ABCC1: variants seen among roughly 807,000 people sequenced by gnomAD.
ABCC1 encodes multidrug resistance-associated protein 1.
Under a neutral mutation model 172.9 loss-of-function variants are expected in ABCC1, and 83 were observed. That is an observed-to-expected ratio of 0.48 (90% CI 0.40 to 0.58). ABCC1 has a LOEUF of 0.58. ABCC1 is among the 20% of genes least tolerant of loss of function. The pLI, the probability that ABCC1 is intolerant of heterozygous loss-of-function variation, is 0.00. For synonymous variants in ABCC1, 937 were observed against 825.2 expected, an observed-to-expected ratio of 1.14 and a Z score of -2.32; for missense variants, 1,817 against 2,002.7, an observed-to-expected ratio of 0.91 and a Z score of 1.77.
chr16:16,100,986 G>T (rs2051715577), intron 19 of ABCC1, among the ~76,000 whole-genome samples: 1 of 150,852 alleles, frequency 6.6e-6, no homozygotes, highest in Non-Finnish European at 1.5e-5. Flanking sequence ...TAATTTTTTG[G>T]TTTATTTTCT....
intron 12 of ABCC1, among the ~76,000 whole-genome samples, chr16:16,067,538 C>T (rs540729170): frequency 7.4e-4 from 112 of 152,294 alleles, no homozygotes; most frequent in Admixed American, 3.9e-3. Context: ...AAAAGCCTAT[C>T]ATGACTTCCA....
At chr16:15,976,281 C>T (rs1014492009) in intron 1 of ABCC1, among the ~76,000 whole-genome samples, 1 of 152,156 alleles carries the variant, frequency 6.6e-6, no homozygotes, top group African/African-American at 2.4e-5. Flanking sequence ...AAAGAAAAAA[C>T]TCAACAGAGA....
intron 7 of ABCC1, 107 bp from the exon 8 acceptor site, chr16:16,044,343 C>T: frequency 9.9e-7 from 1 of 1,009,154 alleles, no homozygotes; most frequent in Non-Finnish European, 1.5e-6. Context: ...GGCTTGTTGT[C>T]TTTGACTCTG....
intron 1 of ABCC1, among the ~76,000 whole-genome samples, chr16:15,968,283 C>T (rs2046292392): frequency 6.6e-6 from 1 of 152,130 alleles, no homozygotes; most frequent in Admixed American, 6.5e-5. Flanking sequence ...ATCCGCCTAC[C>T]TCGGCCTCCC....
upstream of ABCC1, among the ~76,000 whole-genome samples, chr16:15,949,182 G>C (rs902320081): frequency 1.3e-5 from 2 of 152,122 alleles, no homozygotes; most frequent in African/African-American, 4.8e-5. Context: ...TCTGCACCTG[G>C]GTTTCTTCCT....
chr16:16,028,864 C>T (rs573892735), intron 5 of ABCC1, among the ~76,000 whole-genome samples: 1 of 151,980 alleles, frequency 6.6e-6, no homozygotes, highest in Non-Finnish European at 1.5e-5. Context: ...GGGATTAGAA[C>T]CCAGGTCTGT....
At chr16:16,087,509 G>A (rs2051057902) in intron 18 of ABCC1, among the ~76,000 whole-genome samples, 1 of 152,146 alleles carries the variant, frequency 6.6e-6, no homozygotes, top group Non-Finnish European at 1.5e-5. Context: ...CCAGGCTGGA[G>A]TGCAGTGGCA....
At chr16:15,956,512 T>C (rs1290372963) in intron 1 of ABCC1, among the ~76,000 whole-genome samples, 1 of 151,972 alleles carries the variant, frequency 6.6e-6, no homozygotes. Flanking sequence ...GTTGGTTGTT[T>C]TTTGATAGAG....
Position 15,949,689 on chromosome 16 carries a change from C to G in ABCC1, c.-63C>G, listed in dbSNP as rs1437930653. On this transcript the variant is annotated 5_prime_UTR_variant, in exon 1 of 31. Coordinates refer to ENST00000399410, the MANE Select transcript of ABCC1 (RefSeq NM_004996.4). ...CCCGCCGCCCGGTGCCCGCCGCCGC[C>G]CGCGCCAGCAACCGGGCCCGATCAC... is the stretch of plus-strand genomic sequence containing the variant. 66 of 1,013,032 alleles carry G rather than the reference C, an allele frequency of 6.5e-5. No individual in the cohort carries two copies. The highest frequency in any genetic ancestry group is 2.2e-4 in the Admixed American group (4 of 17,912). The allele number at this position is 1,013,032 out of a possible 1,614,324, so 62.8% of individuals were successfully genotyped here.
In ABCC1 at chr16:16,063,529, CAT is replaced by C. The variant is rs530678954; in HGVS notation, c.1678-4624_1678-4623del. On this transcript the variant is annotated intron_variant, in intron 12 of 30. Coordinates refer to ENST00000399410, the MANE Select transcript of ABCC1 (RefSeq NM_004996.4). Reference sequence around the variant, plus strand: ...GAATGAATGAGAGGTTGAAATAAATCATATTAATTAGGAACTGTCTTGCAAAT... The same window carrying C: ...GAATGAATGAGAGGTTGAAATAAATCATTAATTAGGAACTGTCTTGCAAAT... Among the ~76,000 whole-genome samples the C allele has an allele frequency of 4.2e-4, 64 of 152,144 alleles. 1 individual carries two copies. Among genetic ancestry groups the C allele is most frequent in the Non-Finnish European group, 8.4e-4 (57 of 68,032 alleles).
intron 9 of ABCC1, among the ~76,000 whole-genome samples, chr16:16,047,725 G>A (rs952557801): frequency 2.0e-5 from 3 of 152,020 alleles, no homozygotes; most frequent in Non-Finnish European, 4.4e-5. Context: ...CAGTCCTTCA[G>A]TGGGATCTGG....
At chr16:15,972,573 A>G (rs1467328229) in intron 1 of ABCC1, among the ~76,000 whole-genome samples, 1 of 152,090 alleles carries the variant, frequency 6.6e-6, no homozygotes, top group Non-Finnish European at 1.5e-5. Flanking sequence ...CTTTCTATTC[A>G]GGAAAGTCCA....
chr16:16,138,249 TTCC>T, intron 29 of ABCC1, 112 bp from the exon 30 acceptor site: 1 of 953,586 alleles, frequency 1.0e-6, no homozygotes, highest in South Asian at 1.8e-5. Flanking sequence ...TGGACATGCT[TTCC>T]TGGTCAAGCA....
intron 22 of ABCC1, 100 bp downstream of exon 22, chr16:16,111,682 C>T: frequency 8.7e-7 from 1 of 1,149,620 alleles, no homozygotes; most frequent in Non-Finnish European, 1.2e-6. Context: ...TTTTGTGGGA[C>T]CCCAAACCAA....
chr16:15,964,987 TC>T (rs2046213011), intron 1 of ABCC1, among the ~76,000 whole-genome samples: 1 of 152,202 alleles, frequency 6.6e-6, no homozygotes, highest in Admixed American at 6.6e-5. Flanking sequence ...GTGGGACCTT[TC>T]CTCTTTGTCC....
rs1205793619 is a variant in ABCC1 at position 16,016,622 on chromosome 16, G to A, written c.615+1G>A. ...GTTCTCGGAAACCATCCACGACCCT[G>A]TAAGTGTGACCACAGATGAGTGTGT... is the stretch of plus-strand genomic sequence containing the variant. On this transcript the variant is annotated splice_donor_variant, in intron 5 of 30. Transcript: ENST00000399410. LOFTEE classifies it high-confidence loss of function. The A allele has an allele frequency of 6.2e-7, 1 of 1,614,018 alleles. No individual in the cohort carries two copies. Among genetic ancestry groups the A allele is most frequent in the Non-Finnish European group, 8.5e-7 (1 of 1,180,018 alleles).
intron 12 of ABCC1, among the ~76,000 whole-genome samples, chr16:16,057,507 G>C: frequency 6.6e-6 from 1 of 151,234 alleles, no homozygotes. Flanking sequence ...GTGCATAGCA[G>C]GTGCTGAACA....
chr16:16,122,919 T>A (rs1567430724), intron 24 of ABCC1, among the ~76,000 whole-genome samples: 1 of 151,970 alleles, frequency 6.6e-6, no homozygotes, highest in Non-Finnish European at 1.5e-5. Context: ...GGTGGGAGAT[T>A]GACATCTTGT....
chr16:16,043,681 A>T (rs947382632), intron 7 of ABCC1, among the ~76,000 whole-genome samples: 1 of 151,500 alleles, frequency 6.6e-6, no homozygotes, highest in African/African-American at 2.4e-5. Flanking sequence ...CACTCACAGC[A>T]ACCTCCACCT....
Sources: allele counts gnomAD v4.1 joint callset (sites outside exome capture counted in the v4.1 genomes callset), GRCh38; gene constraint gnomAD v4.1.1; transcripts MANE v1.5; gene names NCBI Gene and HGNC (gene_info 2026-07-23, HGNC 2026-07-21).